The following DPP10 variants were observed in gnomAD, a reference collection of about 807,000 sequenced individuals.
The protein encoded by DPP10 is inactive dipeptidyl peptidase 10.
DPP10 carries 33 observed loss-of-function variants against 120.9 expected under a neutral mutation model. That is an observed-to-expected ratio of 0.27 (90% CI 0.21 to 0.37). DPP10 has a LOEUF of 0.37. DPP10 is among the 10% of genes least tolerant of loss of function. The pLI, the probability that DPP10 is intolerant of heterozygous loss-of-function variation, is 1.00. For missense variants in DPP10, 816 were observed against 942.8 expected (o/e 0.87, Z 1.76); for synonymous variants, 337 against 326.1 (o/e 1.03, Z -0.36).
chr2:115,384,780 C>A (rs2066789545), intron 3 of DPP10, among the ~76,000 whole-genome samples: 1 of 151,970 alleles, frequency 6.6e-6, no homozygotes, highest in Non-Finnish European at 1.5e-5. Flanking sequence ...ACTCTTCTGC[C>A]CCAAAGCAAG....
Position 114,672,111 on chromosome 2 carries a change from A to G in DPP10, c.60+229273A>G, listed in dbSNP as rs577641310. Among the ~76,000 whole-genome samples the G allele has an allele frequency of 6.6e-5, 10 of 152,256 alleles. No homozygotes were observed. The South Asian group carries it at 1.4e-3, about 22-fold the overall frequency. ...ATTTCTTTCTTAATTTATATAATTG[A>G]TTCCCAACATGGGCTGCATATCAGA... On this transcript the variant is annotated intron_variant, in intron 1 of 25. Coordinates refer to ENST00000410059, the MANE Select transcript of DPP10 (RefSeq NM_020868.6).
intron 7 of DPP10, among the ~76,000 whole-genome samples, chr2:115,713,464 T>C (rs1476685383): frequency 6.6e-6 from 1 of 152,144 alleles, no homozygotes; most frequent in South Asian, 2.1e-4. Context: ...GCTTACAATC[T>C]GGGGATGACT....
At chr2:114,827,911 A>G (rs1224151371) in intron 1 of DPP10, among the ~76,000 whole-genome samples, 1 of 152,220 alleles carries the variant, frequency 6.6e-6, no homozygotes, top group Admixed American at 6.5e-5. Flanking sequence ...ATTTTACCTC[A>G]AGTTTCACCA....
At chr2:115,537,965 A>G (rs776617431) in intron 5 of DPP10, among the ~76,000 whole-genome samples, 2 of 151,964 alleles carry the variant, frequency 1.3e-5, no homozygotes, top group Non-Finnish European at 2.9e-5. Flanking sequence ...GGCTACTTCC[A>G]TGTCGTCATG....
At chr2:115,093,247 G>A (rs564852950) in intron 1 of DPP10, among the ~76,000 whole-genome samples, 1 of 152,218 alleles carries the variant, frequency 6.6e-6, no homozygotes, top group Admixed American at 6.5e-5. Context: ...GAGTGCTCCT[G>A]TTGAATCAGC....
intron 1 of DPP10, among the ~76,000 whole-genome samples, chr2:114,847,508 C>G (rs1203388826): frequency 6.6e-6 from 1 of 152,144 alleles, no homozygotes; most frequent in Non-Finnish European, 1.5e-5. Flanking sequence ...CTCCGTACTT[C>G]CAACTCTTGT....
chr2:115,800,109 T>G (rs968725694), intron 19 of DPP10, among the ~76,000 whole-genome samples: 1 of 151,254 alleles, frequency 6.6e-6, no homozygotes, highest in Non-Finnish European at 1.5e-5. Context: ...GTTTCCTGAC[T>G]TTTTAATGAT....
intron 1 of DPP10, among the ~76,000 whole-genome samples, chr2:114,873,475 C>G (rs563021072): frequency 1.3e-5 from 2 of 152,268 alleles, no homozygotes; most frequent in African/African-American, 4.8e-5. Flanking sequence ...CCAACCAACA[C>G]TACAGCTGCA....
chr2:115,129,415 G>A (rs2050230121), intron 1 of DPP10, among the ~76,000 whole-genome samples: 2 of 152,108 alleles, frequency 1.3e-5, no homozygotes, highest in African/African-American at 2.4e-5. Flanking sequence ...GTTTATTTCC[G>A]AAGCACTTAT....
At chr2:115,799,540 C>G (rs1419634887) in intron 19 of DPP10, among the ~76,000 whole-genome samples, 1 of 149,916 alleles carries the variant, frequency 6.7e-6, no homozygotes, top group Admixed American at 6.7e-5. Flanking sequence ...CCCATTAACA[C>G]GTCATTTAGC....
At chr2:115,510,984 G>A (rs2077193299) in intron 4 of DPP10, among the ~76,000 whole-genome samples, 1 of 152,074 alleles carries the variant, frequency 6.6e-6, no homozygotes, top group African/African-American at 2.4e-5. Flanking sequence ...TGTGTTGAAT[G>A]CTTATCCTGC....
At chr2:115,499,433 T>C in intron 3 of DPP10, 77 bp from the exon 4 acceptor site, 1 of 1,153,848 alleles carries the variant, frequency 8.7e-7, no homozygotes, top group Non-Finnish European at 1.3e-6. Context: ...CTGTTTATTT[T>C]GCACGTTTTC....
intron 1 of DPP10, among the ~76,000 whole-genome samples, chr2:114,543,125 T>A (rs1195126184): frequency 6.6e-6 from 1 of 152,248 alleles, no homozygotes; most frequent in Non-Finnish European, 1.5e-5. Flanking sequence ...GACTATGGTA[T>A]GTTAATAACA....
chr2:114,504,868 A>G (rs762657127), intron 1 of DPP10, among the ~76,000 whole-genome samples: 1 of 151,986 alleles, frequency 6.6e-6, no homozygotes, highest in Non-Finnish European at 1.5e-5. Flanking sequence ...ACTGGCCAAT[A>G]TGGCAAAACC....
At chr2:115,724,180 T>C (rs1238434744) in intron 7 of DPP10, among the ~76,000 whole-genome samples, 1 of 152,230 alleles carries the variant, frequency 6.6e-6, no homozygotes, top group South Asian at 2.1e-4. Flanking sequence ...GCATTCCAAC[T>C]CAAGATCTTC....
chr2:114,961,033 C>CTTTTTTTTTTTTT (rs772146022), intron 1 of DPP10, among the ~76,000 whole-genome samples: 8 of 52,028 alleles, frequency 1.5e-4, no homozygotes, highest in African/African-American at 6.0e-4. Context: ...CTCTATACGC[C>CTTTTTTTTTTTTT]TTTTTTTTTT....
chr2:114,593,994 A>C (rs1218601902), intron 1 of DPP10, among the ~76,000 whole-genome samples: 1 of 152,134 alleles, frequency 6.6e-6, no homozygotes, highest in East Asian at 1.9e-4. Flanking sequence ...GTGATGGTTA[A>C]TACTGAGTGT....
At chr2:114,889,881 A>G (rs560388867) in intron 1 of DPP10, among the ~76,000 whole-genome samples, 2 of 152,226 alleles carry the variant, frequency 1.3e-5, no homozygotes, top group Non-Finnish European at 2.9e-5. Context: ...TACATGCTGT[A>G]TACCTCTTTA....
At chr2:115,663,044 TG>T (rs571581746) in intron 5 of DPP10, among the ~76,000 whole-genome samples, 3 of 152,096 alleles carry the variant, frequency 2.0e-5, no homozygotes, top group Non-Finnish European at 2.9e-5. Context: ...TGTATATATT[TG>T]GGGGGCACAT....
Sources: allele counts gnomAD v4.1 joint callset (sites outside exome capture counted in the v4.1 genomes callset), GRCh38; gene constraint gnomAD v4.1.1; transcripts MANE v1.5; gene names NCBI Gene and HGNC (gene_info 2026-07-23, HGNC 2026-07-21).